The following SNTG2 variants were observed in gnomAD, a reference collection of about 807,000 sequenced individuals.
The protein encoded by SNTG2 is gamma-2-syntrophin.
In SNTG2, 74 loss-of-function variants were observed where a neutral mutation model predicts 70.9. The observed-to-expected ratio is 1.04, with a 90% confidence interval of 0.86 to 1.27. The LOEUF is 1.27. Among genes scored for constraint, SNTG2 ranks in the 50% most tolerant of loss-of-function variants. The probability of loss-of-function intolerance (pLI) is 0.00; values close to 1 mark genes in which losing one functional copy is unlikely to be tolerated. For synonymous variants in SNTG2, 278 were observed against 273.8 expected (o/e 1.02, Z -0.15); for missense variants, 717 against 690.7 (o/e 1.04, Z -0.43).
intron 7 of SNTG2, among the ~76,000 whole-genome samples, chr2:1,167,559 G>A (rs1386568592): frequency 8.4e-5 from 8 of 95,276 alleles, no homozygotes; most frequent in South Asian, 4.1e-4. Context: ...GAAACCTACA[G>A]GCCGCCCACA....
At chr2:1,223,797 A>G (rs1178756625) in intron 9 of SNTG2, among the ~76,000 whole-genome samples, 1 of 151,938 alleles carries the variant, frequency 6.6e-6, no homozygotes, top group Non-Finnish European at 1.5e-5. Flanking sequence ...ACCTCGTTTT[A>G]GTCAGTGTGG....
intron 1 of SNTG2, among the ~76,000 whole-genome samples, chr2:1,062,439 A>G (rs1160629259): frequency 3.9e-5 from 6 of 152,354 alleles, no homozygotes; most frequent in East Asian, 1.9e-4. Context: ...GGGTATGACA[A>G]TGATAAAGAA....
intron 6 of SNTG2, among the ~76,000 whole-genome samples, chr2:1,154,523 G>C (rs1286493066): frequency 6.6e-6 from 1 of 152,150 alleles, no homozygotes; most frequent in Non-Finnish European, 1.5e-5. Context: ...ACACAATGTA[G>C]GCCGGATAAA....
At chr2:1,346,545 A>T (rs1195012740) in intron 16 of SNTG2, 1 of 152,368 alleles carries the variant, frequency 6.6e-6, no homozygotes, top group Non-Finnish European at 1.5e-5. Flanking sequence ...GCTCCCTCCA[A>T]CGCGGGCTTC....
At chr2:1,057,052 C>T (rs1225586522) in intron 1 of SNTG2, among the ~76,000 whole-genome samples, 2 of 151,632 alleles carry the variant, frequency 1.3e-5, no homozygotes, top group African/African-American at 2.4e-5. Flanking sequence ...CCGCTTCCTC[C>T]AGGACCTGTG....
intron 12 of SNTG2, among the ~76,000 whole-genome samples, chr2:1,249,551 A>T (rs1677637778): frequency 6.6e-6 from 1 of 152,212 alleles, no homozygotes; most frequent in Admixed American, 6.5e-5. Context: ...GAACCACCTA[A>T]GTATGTGGCC....
intron 1 of SNTG2, among the ~76,000 whole-genome samples, chr2:1,010,256 GAGTGA>G (rs1368207805): frequency 2.6e-5 from 4 of 152,138 alleles, no homozygotes; most frequent in Non-Finnish European, 5.9e-5. Context: ...GAAGGATAAA[GAGTGA>G]AGCTTCTACA....
chr2:1,280,363 C>T (rs1032797494), intron 14 of SNTG2, among the ~76,000 whole-genome samples: 1 of 152,136 alleles, frequency 6.6e-6, no homozygotes, highest in Non-Finnish European at 1.5e-5. Flanking sequence ...TCTAATTTAC[C>T]TCATCTCTTT....
At chr2:1,363,089 G>A (rs575480252) in intron 16 of SNTG2, among the ~76,000 whole-genome samples, 12 of 151,854 alleles carry the variant, frequency 7.9e-5, no homozygotes, top group East Asian at 2.0e-4. Flanking sequence ...AGTGACCGGC[G>A]CTGAGATGGA....
intron 14 of SNTG2, among the ~76,000 whole-genome samples, chr2:1,277,831 G>C (rs1264212266): frequency 6.6e-6 from 1 of 152,210 alleles, no homozygotes; most frequent in Non-Finnish European, 1.5e-5. Context: ...GCTCCTCAGA[G>C]GGCAGCAGGG....
chr2:1,240,930 A>G (rs1382430161), intron 11 of SNTG2, among the ~76,000 whole-genome samples: 2 of 152,202 alleles, frequency 1.3e-5, no homozygotes, highest in African/African-American at 4.8e-5. Flanking sequence ...TACATAAAAT[A>G]TCATTTCCCT....
intron 1 of SNTG2, among the ~76,000 whole-genome samples, chr2:1,039,596 C>A (rs957703567): frequency 3.9e-5 from 6 of 152,126 alleles, no homozygotes; most frequent in African/African-American, 1.4e-4. Flanking sequence ...GGGGGGATGG[C>A]AGAATCAGTC....
intron 1 of SNTG2, among the ~76,000 whole-genome samples, chr2:954,601 T>G (rs1660081738): frequency 6.6e-6 from 1 of 152,152 alleles, no homozygotes; most frequent in South Asian, 2.1e-4. Context: ...CATACTAAAG[T>G]TCCCTGTAAA....
chr2:1,243,957 C>G (rs554525132), intron 11 of SNTG2, among the ~76,000 whole-genome samples: 1 of 152,070 alleles, frequency 6.6e-6, no homozygotes, highest in Non-Finnish European at 1.5e-5. Flanking sequence ...ACCCTGGAGG[C>G]GGAGGTTGCA....
At chr2:1,285,361 A>G (rs1286376394) in intron 14 of SNTG2, among the ~76,000 whole-genome samples, 5 of 152,180 alleles carry the variant, frequency 3.3e-5, no homozygotes, top group African/African-American at 7.2e-5. Flanking sequence ...ATTAACCACC[A>G]TAAGTCCACC....
intron 1 of SNTG2, among the ~76,000 whole-genome samples, chr2:963,002 A>G (rs1558281050): frequency 6.6e-6 from 1 of 152,284 alleles, no homozygotes; most frequent in East Asian, 1.9e-4. Flanking sequence ...GCGTGGTAAC[A>G]TGATTTCTCA....
At position 1,365,290 on chromosome 2, in the gene SNTG2, T is replaced by C. The variant is rs560341928; in HGVS notation, c.1489-2053T>C. Among the ~76,000 whole-genome samples, 17 of 152,342 alleles carry C rather than the reference T, an allele frequency of 1.1e-4. No individual in the cohort carries two copies. In the South Asian group the frequency reaches 3.5e-3, roughly 32 times the overall value. The stretch of plus-strand genomic sequence containing the variant: ...ACGCTTTATGAAACTACCTAAAGAC[T>C]ATGAAGCTTTGGCAGGAGAATACAC... On this transcript the variant is annotated intron_variant, in intron 16 of 16. Transcript: ENST00000308624.
At chr2:1,365,536 A>G (rs56024496) in intron 16 of SNTG2, among the ~76,000 whole-genome samples, 109,535 of 151,836 alleles carry the variant, frequency 0.72, 39,808 homozygotes, top group East Asian at 0.94. Flanking sequence ...GTATCCCTGC[A>G]TGGGGTGTTC....
chr2:1,060,157 G>A (rs912775133), intron 1 of SNTG2, among the ~76,000 whole-genome samples: 1 of 152,126 alleles, frequency 6.6e-6, no homozygotes, highest in Non-Finnish European at 1.5e-5. Context: ...AGACTTTAGG[G>A]ATAAATGAAA....
Sources: allele counts gnomAD v4.1 joint callset (sites outside exome capture counted in the v4.1 genomes callset), GRCh38; gene constraint gnomAD v4.1.1; transcripts MANE v1.5; gene names NCBI Gene and HGNC (gene_info 2026-07-23, HGNC 2026-07-21).